PACRG: variants seen among roughly 807,000 people sequenced by gnomAD.
The protein encoded by PACRG is parkin coregulated.
In PACRG, 29 loss-of-function variants were observed where a neutral mutation model predicts 29.7. The observed-to-expected ratio is 0.98, with a 90% CI of 0.73 to 1.33. PACRG has a LOEUF of 1.33. PACRG is among the 40% of genes most tolerant of loss of function. The probability of loss-of-function intolerance (pLI) is 0.00; values close to 1 mark genes in which losing one functional copy is unlikely to be tolerated. For synonymous variants in PACRG, 116 were observed against 118.7 expected (o/e 0.98, Z 0.15); for missense variants, 279 against 316.2 (o/e 0.88, Z 0.89).
intron 4 of PACRG, among the ~76,000 whole-genome samples, chr6:163,227,729 G>A (rs1781861389): frequency 1.3e-5 from 2 of 152,134 alleles, no homozygotes; most frequent in South Asian, 2.1e-4. Context: ...ATACACGTTT[G>A]CAAGACTGGA....
At chr6:162,775,540 T>G (rs1214289512) in intron 1 of PACRG, among the ~76,000 whole-genome samples, 2 of 152,212 alleles carry the variant, frequency 1.3e-5, no homozygotes, top group Non-Finnish European at 2.9e-5. Flanking sequence ...TCATAAGTAA[T>G]TATGTAATTT....
intron 2 of PACRG, among the ~76,000 whole-genome samples, chr6:162,815,039 C>T (rs935999005): frequency 3.3e-5 from 5 of 152,152 alleles, no homozygotes; most frequent in African/African-American, 1.2e-4. Context: ...CTCTAACCAG[C>T]TTCTGCTATT....
At chr6:162,860,333 G>T (rs1046726322) in intron 2 of PACRG, among the ~76,000 whole-genome samples, 1 of 152,080 alleles carries the variant, frequency 6.6e-6, no homozygotes, top group African/African-American at 2.4e-5. Flanking sequence ...TTCACCAAAT[G>T]AATTTTATAT....
intron 2 of PACRG, among the ~76,000 whole-genome samples, chr6:162,877,145 T>C (rs1374091715): frequency 6.6e-6 from 1 of 152,182 alleles, no homozygotes; most frequent in Non-Finnish European, 1.5e-5. Context: ...CGTAAGTTTA[T>C]TGCAGCACTA....
intron 2 of PACRG, among the ~76,000 whole-genome samples, chr6:162,896,177 T>C (rs1795150956): frequency 6.6e-6 from 1 of 152,174 alleles, no homozygotes; most frequent in African/African-American, 2.4e-5. Flanking sequence ...TCTTGTAAAA[T>C]TCACAAACGT....
chr6:162,989,353 C>T (rs749225292), intron 2 of PACRG, among the ~76,000 whole-genome samples: 64 of 152,200 alleles, frequency 4.2e-4, no homozygotes, highest in South Asian at 6.2e-4. Flanking sequence ...ATCATAATGG[C>T]AGATGGAGAT....
At chr6:163,213,950 CT>C (rs1292082752) in intron 4 of PACRG, among the ~76,000 whole-genome samples, 2 of 152,190 alleles carry the variant, frequency 1.3e-5, no homozygotes, top group African/African-American at 2.4e-5. Flanking sequence ...AAAGTAGCCT[CT>C]CTTTTTCCCA....
intron 4 of PACRG, among the ~76,000 whole-genome samples, chr6:163,289,847 T>C (rs1585403397): frequency 1.3e-5 from 2 of 152,038 alleles, no homozygotes; most frequent in African/African-American, 4.8e-5. Flanking sequence ...CTTTTTCTTT[T>C]TTATTTTATT....
chr6:163,282,258 C>A (rs966206502), intron 4 of PACRG, among the ~76,000 whole-genome samples: 2 of 152,012 alleles, frequency 1.3e-5, no homozygotes, highest in African/African-American at 4.8e-5. Context: ...ATTTTCCCAC[C>A]CCACCAAGTA....
chr6:162,940,367 G>T (rs1798530713), intron 2 of PACRG, among the ~76,000 whole-genome samples: 1 of 151,826 alleles, frequency 6.6e-6, no homozygotes, highest in Non-Finnish European at 1.5e-5. Context: ...TCATTAGTGG[G>T]TGGTTCTCTA....
intron 2 of PACRG, among the ~76,000 whole-genome samples, chr6:162,922,269 C>G (rs910055400): frequency 6.7e-6 from 1 of 148,246 alleles, no homozygotes; most frequent in Non-Finnish European, 1.5e-5. Context: ...ATCTAGCATG[C>G]CTGTTTCTGG....
chr6:162,984,396 A>G (rs758807781), intron 2 of PACRG, among the ~76,000 whole-genome samples: 1 of 151,986 alleles, frequency 6.6e-6, no homozygotes, highest in African/African-American at 2.4e-5. Flanking sequence ...TATGCATACC[A>G]CATTTTCTTT....
chr6:163,143,813 T>A (rs1777658597), intron 4 of PACRG, among the ~76,000 whole-genome samples: 1 of 151,538 alleles, frequency 6.6e-6, no homozygotes. Context: ...GGTGGGAAAC[T>A]CAGGGCAAAG....
At chr6:163,170,249 G>A (rs1489405505) in intron 4 of PACRG, among the ~76,000 whole-genome samples, 1 of 152,076 alleles carries the variant, frequency 6.6e-6, no homozygotes, top group Non-Finnish European at 1.5e-5. Flanking sequence ...GGGAACAAGA[G>A]GTCCCCCAAG....
At chr6:162,813,662 G>C (rs924823754) in intron 1 of PACRG, among the ~76,000 whole-genome samples, 1 of 151,778 alleles carries the variant, frequency 6.6e-6, no homozygotes, top group Non-Finnish European at 1.5e-5. Context: ...CATTTTAGTA[G>C]TTTTATTGTT....
intron 4 of PACRG, among the ~76,000 whole-genome samples, chr6:163,102,608 T>G (rs987359624): frequency 1.3e-5 from 2 of 152,244 alleles, no homozygotes; most frequent in Non-Finnish European, 2.9e-5. Flanking sequence ...ATATGATTTT[T>G]GCTAAATCTT....
At chr6:162,765,270 T>A (rs766375212) in intron 1 of PACRG, among the ~76,000 whole-genome samples, 90 of 152,208 alleles carry the variant, frequency 5.9e-4, no homozygotes, top group Non-Finnish European at 1.0e-3. Context: ...AATTGTAGAA[T>A]AAATGTCCAG....
At chr6:163,012,637 C>G (rs1376229858) in intron 2 of PACRG, among the ~76,000 whole-genome samples, 4 of 152,248 alleles carry the variant, frequency 2.6e-5, no homozygotes, top group African/African-American at 9.6e-5. Context: ...AATGTTCATG[C>G]ACCCTCTGGA....
intron 4 of PACRG, among the ~76,000 whole-genome samples, chr6:163,283,310 G>A (rs530503418): frequency 2.0e-5 from 3 of 152,264 alleles, no homozygotes; most frequent in Admixed American, 1.3e-4. Flanking sequence ...CGCTTAACTC[G>A]AAGATGTGGA....
Sources: allele counts gnomAD v4.1 joint callset (sites outside exome capture counted in the v4.1 genomes callset), GRCh38; gene constraint gnomAD v4.1.1; transcripts MANE v1.5; gene names NCBI Gene and HGNC (gene_info 2026-07-23, HGNC 2026-07-21).